Variants in LRRCC1 observed in about 807,000 individuals in gnomAD.
LRRCC1 encodes leucine-rich repeat and coiled-coil domain-containing protein 1.
A neutral mutation model predicts 126.0 loss-of-function variants in LRRCC1; 115 were observed. That is an observed-to-expected ratio of 0.91 (90% CI 0.78 to 1.07). LRRCC1 has a LOEUF of 1.07. LRRCC1 is among the 50% of genes least tolerant of loss of function. LRRCC1 has a pLI of 0.00. For missense variants in LRRCC1, 1,172 were observed against 1,175.7 expected (o/e 1.00, Z 0.05); for synonymous variants, 400 against 393.4 (o/e 1.02, Z -0.20).
rs1312182855 is a variant in LRRCC1, at chr8:85,129,231, T to C, written c.1478T>C (p.Val493Ala). The change falls in exon 10 of 19, where the codon GTT becomes GCT. Residue 493 changes from valine to alanine, a missense_variant. Physicochemically the swap from Val to Ala is moderately conservative, Grantham distance 64. Coordinates refer to ENST00000360375, the MANE Select transcript of LRRCC1 (RefSeq NM_033402.5). ...TCCAAAGGACAACTCGAAGTTATGG[T>C]TCACAAACTTCAAAATGAAATTAAA... is the stretch of plus-strand genomic sequence containing the variant. ...RNSKGQLEVMVHKLQNEIKKL... is the reference protein window; with the variant it reads ...RNSKGQLEVMAHKLQNEIKKL... The C allele has an allele frequency of 6.2e-7, 1 of 1,613,070 alleles. No individual in the cohort carries two copies. The highest frequency in any genetic ancestry group is 1.3e-5 in the African/African-American group (1 of 74,878).
At chr8:85,135,115 G>T in intron 13 of LRRCC1, 83 bp downstream of exon 13, 1 of 994,228 alleles carries the variant, frequency 1.0e-6, no homozygotes. Context: ...GGAAGTACAC[G>T]AAAGGAACTT....
At chr8:85,134,071 C>T (rs567055253) in intron 12 of LRRCC1, among the ~76,000 whole-genome samples, 76 of 152,290 alleles carry the variant, frequency 5.0e-4, no homozygotes, top group African/African-American at 1.7e-3. Context: ...CTTTCCCACA[C>T]ATTTGCATGG....
chr8:85,139,873 C>T (rs1811143942), intron 17 of LRRCC1, among the ~76,000 whole-genome samples: 1 of 152,158 alleles, frequency 6.6e-6, no homozygotes, highest in Non-Finnish European at 1.5e-5. Flanking sequence ...TGTTTTGACT[C>T]AGTCTAATGG....
chr8:85,112,860 TAGC>T (rs2135921529), intron 3 of LRRCC1, 69 bp from the exon 4 acceptor site: 1 of 1,146,794 alleles, frequency 8.7e-7, no homozygotes, highest in Non-Finnish European at 1.2e-6. Context: ...ATAACCTATC[TAGC>T]AATTATTTCT....
rs538775363 is a variant in LRRCC1, at chr8:85,140,857, G to C, written c.2841-525G>C. ...GCGGGCAGATCACTTTAGACCAGGA[G>C]TTCAAGACCAGCCTATCCAACGTAG... On this transcript the variant is annotated intron_variant, in intron 17 of 18. Transcript: ENST00000360375. Among the ~76,000 whole-genome samples the C allele has an allele frequency of 2.0e-5, 3 of 152,226 alleles. No homozygotes were observed. The South Asian group carries it at 6.2e-4, about 32-fold the overall frequency.
chr8:85,107,471 A>G (rs1311421587), intron 1 of LRRCC1, 72 bp downstream of exon 1: 1 of 1,327,714 alleles, frequency 7.5e-7, no homozygotes, highest in African/African-American at 1.5e-5. Flanking sequence ...GCTGGCGGCG[A>G]CACCAGAGTG....
At chr8:85,128,431 C>G (rs1810182655) in intron 9 of LRRCC1, among the ~76,000 whole-genome samples, 1 of 133,768 alleles carries the variant, frequency 7.5e-6, no homozygotes, top group East Asian at 2.7e-4. Context: ...CCCCCCACCC[C>G]CCCCACCACC....
intron 6 of LRRCC1, among the ~76,000 whole-genome samples, chr8:85,121,599 G>A (rs552655694): frequency 8.4e-4 from 127 of 152,044 alleles, no homozygotes; most frequent in African/African-American, 2.8e-3. Context: ...GTGCCACCAC[G>A]CCCAGCTAAT....
intron 12 of LRRCC1, among the ~76,000 whole-genome samples, chr8:85,132,393 T>A (rs866035557): frequency 1.4e-5 from 1 of 70,150 alleles, no homozygotes; most frequent in East Asian, 3.1e-4. Context: ...TTTTTTTTTT[T>A]TTTTTTTTTT....
intron 9 of LRRCC1, among the ~76,000 whole-genome samples, chr8:85,127,209 G>T (rs1171440706): frequency 6.6e-6 from 1 of 152,108 alleles, no homozygotes; most frequent in African/African-American, 2.4e-5. Context: ...CTTATCTTCT[G>T]CAATGGGCTT....
chr8:85,127,250 G>C (rs1455480547), intron 9 of LRRCC1, among the ~76,000 whole-genome samples: 1 of 151,966 alleles, frequency 6.6e-6, no homozygotes, highest in Non-Finnish European at 1.5e-5. Context: ...TCTTAATTCT[G>C]ATGTTTTTAT....
At chr8:85,113,560 G>A (rs1184390748) in intron 4 of LRRCC1, among the ~76,000 whole-genome samples, 1 of 151,970 alleles carries the variant, frequency 6.6e-6, no homozygotes, top group Non-Finnish European at 1.5e-5. Flanking sequence ...ATATATGTAT[G>A]CACGCATGTG....
chr8:85,136,644 T>C (rs923156027), intron 14 of LRRCC1, among the ~76,000 whole-genome samples: 2 of 152,248 alleles, frequency 1.3e-5, no homozygotes, highest in East Asian at 3.8e-4. Flanking sequence ...TTTTCTGATA[T>C]ATGCAACATT....
intron 11 of LRRCC1, 39 bp downstream of exon 11, chr8:85,130,097 A>G (rs773785940): frequency 6.8e-7 from 1 of 1,468,608 alleles, no homozygotes; most frequent in Non-Finnish European, 9.0e-7. Flanking sequence ...TGGCATTTAA[A>G]AAAAGAAAAA....
intron 18 of LRRCC1, among the ~76,000 whole-genome samples, chr8:85,143,871 G>T (rs931721408): frequency 6.6e-6 from 1 of 152,128 alleles, no homozygotes; most frequent in African/African-American, 2.4e-5. Flanking sequence ...AATTAGGTTT[G>T]CAGGCAGGGG....
chr8:85,138,024 T>G lies in LRRCC1; in HGVS notation c.2494-11T>G, dbSNP rs1210484268. On this transcript the variant is annotated splice_polypyrimidine_tract_variant and intron_variant, in intron 15 of 18. Coordinates refer to ENST00000360375, the MANE Select transcript of LRRCC1 (RefSeq NM_033402.5). The stretch of plus-strand genomic sequence containing the variant: ...GTTAATAAAAACAAAGTGCCAATTT[T>G]TTTCTTAAAGTGTTTACAAGAAAAA... 1.6e-5 allele frequency: 23 copies of G among 1,460,496 alleles called. No homozygotes were observed. The highest frequency in any genetic ancestry group is 2.0e-5 in the Non-Finnish European group (22 of 1,082,828). The allele number at this position is 1,460,496 out of a possible 1,614,324, so 90.5% of individuals were successfully genotyped here.
chr8:85,120,361 TCTC>T (rs1249586832), intron 6 of LRRCC1, among the ~76,000 whole-genome samples: 1 of 152,214 alleles, frequency 6.6e-6, no homozygotes, highest in Non-Finnish European at 1.5e-5. Context: ...AGTGTTGAAA[TCTC>T]TGTGGTTGTG....
chr8:85,137,450 T>C lies in LRRCC1; in HGVS notation c.2330-14T>C. The C allele has an allele frequency of 2.0e-6, 3 of 1,536,518 alleles. No individual in the cohort carries two copies. The highest frequency in any genetic ancestry group is 1.7e-6 in the Non-Finnish European group (2 of 1,151,008). On this transcript the variant is annotated splice_polypyrimidine_tract_variant and intron_variant, in intron 14 of 18. Transcript: ENST00000360375. ...GTGTTTCAAAGTATGTAATTGATGATTTTTGTTTCTTAGGATCTTCTCTAG... is the reference window on the plus strand; with the variant it reads ...GTGTTTCAAAGTATGTAATTGATGACTTTTGTTTCTTAGGATCTTCTCTAG...
intron 6 of LRRCC1, among the ~76,000 whole-genome samples, chr8:85,117,960 C>T (rs1809248873): frequency 6.6e-6 from 1 of 152,094 alleles, no homozygotes; most frequent in Admixed American, 6.5e-5. Flanking sequence ...ATTGAGAATA[C>T]ATATATCTGT....
Sources: allele counts gnomAD v4.1 joint callset (sites outside exome capture counted in the v4.1 genomes callset), GRCh38; gene constraint gnomAD v4.1.1; transcripts MANE v1.5; gene names NCBI Gene and HGNC (gene_info 2026-07-23, HGNC 2026-07-21).